KCNAB1: variants seen among roughly 807,000 people sequenced by gnomAD.
KCNAB1 encodes voltage-gated potassium channel subunit beta-1.
A neutral mutation model predicts 64.6 loss-of-function variants in KCNAB1; 35 were observed. That is an observed-to-expected ratio of 0.54 (90% CI 0.41 to 0.72). KCNAB1 has a LOEUF of 0.72. Ranked by LOEUF, KCNAB1 falls within the 30% of genes least tolerant of loss-of-function variation. KCNAB1 has a pLI of 0.00. For synonymous variants in KCNAB1, 177 were observed against 183.8 expected, an observed-to-expected ratio of 0.96 and a Z score of 0.30; for missense variants, 401 against 512.9, an observed-to-expected ratio of 0.78 and a Z score of 2.11.
chr3:156,236,341 C>G (rs1289426095), intron 1 of KCNAB1, among the ~76,000 whole-genome samples: 2 of 152,172 alleles, frequency 1.3e-5, no homozygotes, highest in African/African-American at 4.8e-5. Flanking sequence ...AAAGCTAGGT[C>G]TCCCAAACCT....
chr3:156,418,190 T>C (rs1225979517), intron 1 of KCNAB1, among the ~76,000 whole-genome samples: 2 of 152,224 alleles, frequency 1.3e-5, no homozygotes, highest in Non-Finnish European at 2.9e-5. Flanking sequence ...ATTGGCAATT[T>C]GATGTGCTTA....
intron 1 of KCNAB1, among the ~76,000 whole-genome samples, chr3:156,376,659 C>G (rs1218897674): frequency 6.6e-6 from 1 of 152,106 alleles, no homozygotes; most frequent in Non-Finnish European, 1.5e-5. Context: ...AAGAGGTAAG[C>G]CCCTGAGATC....
rs781567571 is a variant in KCNAB1, at chr3:156,120,649, T to C, written c.38T>C (p.Ile13Thr). ...AARTGAAGSQ[I>T]SEENTKLRRQ... ...CGGACAGGGGCAGCGGGGAGTCAGATCTCAGAGGAGAACACCAAGTTAAGG... is the reference window on the plus strand; with the variant it reads ...CGGACAGGGGCAGCGGGGAGTCAGACCTCAGAGGAGAACACCAAGTTAAGG... Residue 13 changes from isoleucine to threonine, a missense_variant, in exon 1 of 14, where the codon ATC becomes ACC. Physicochemically the swap from Ile to Thr is moderately conservative, Grantham distance 89. Coordinates refer to ENST00000490337, the MANE Select transcript of KCNAB1 (RefSeq NM_172160.3). 12 of 1,614,064 alleles carry C rather than the reference T, an allele frequency of 7.4e-6. No individual in the cohort carries two copies. The highest frequency in any genetic ancestry group is 3.3e-5 in the Admixed American group (2 of 60,010).
chr3:156,202,360 G>A (rs1401867004), intron 1 of KCNAB1, among the ~76,000 whole-genome samples: 1 of 152,196 alleles, frequency 6.6e-6, no homozygotes, highest in Non-Finnish European at 1.5e-5. Flanking sequence ...AACAAGTCTT[G>A]GGTGTAGCCC....
At chr3:156,341,286 T>G (rs1724096469) in intron 1 of KCNAB1, among the ~76,000 whole-genome samples, 1 of 152,128 alleles carries the variant, frequency 6.6e-6, no homozygotes, top group South Asian at 2.1e-4. Context: ...GAGAGCAACA[T>G]ACAAAATAAA....
At chr3:156,122,605 C>T (rs536137859) in intron 1 of KCNAB1, among the ~76,000 whole-genome samples, 2 of 152,304 alleles carry the variant, frequency 1.3e-5, no homozygotes, top group South Asian at 4.1e-4. Context: ...ATTAATGTCT[C>T]CTGTGATAAT....
intron 3 of KCNAB1, 129 bp from the exon 4 acceptor site, chr3:156,457,324 T>C: frequency 6.7e-7 from 1 of 1,502,760 alleles, no homozygotes; most frequent in Non-Finnish European, 8.9e-7. Context: ...CCCTCTCCAC[T>C]AAAACTAAGA....
intron 1 of KCNAB1, among the ~76,000 whole-genome samples, chr3:156,221,398 A>G (rs1186071005): frequency 6.6e-6 from 1 of 152,208 alleles, no homozygotes. Flanking sequence ...AGGAAAACCT[A>G]TCAGATTAAC....
intron 7 of KCNAB1, among the ~76,000 whole-genome samples, chr3:156,468,465 A>G (rs1348084004): frequency 6.6e-6 from 1 of 151,988 alleles, no homozygotes; most frequent in African/African-American, 2.4e-5. Context: ...ATATAATTTT[A>G]AGCATATGGG....
chr3:156,146,950 A>G (rs1423286086), intron 1 of KCNAB1, among the ~76,000 whole-genome samples: 4 of 152,174 alleles, frequency 2.6e-5, no homozygotes, highest in Admixed American at 2.6e-4. Flanking sequence ...ACTTGTTTGT[A>G]TTTATTTATT....
intron 1 of KCNAB1, among the ~76,000 whole-genome samples, chr3:156,387,982 T>C (rs556877010): frequency 6.6e-6 from 1 of 152,346 alleles, no homozygotes; most frequent in African/African-American, 2.4e-5. Context: ...GTTCCATTTG[T>C]TAATTTAAAA....
At chr3:156,267,094 C>CACAGATA in intron 1 of KCNAB1, among the ~76,000 whole-genome samples, 1 of 152,182 alleles carries the variant, frequency 6.6e-6, no homozygotes, top group East Asian at 1.9e-4. Flanking sequence ...CCAGTATCCA[C>CACAGATA]ACAGATAACT....
intron 1 of KCNAB1, among the ~76,000 whole-genome samples, chr3:156,299,378 G>A (rs1380231799): frequency 6.6e-6 from 1 of 152,214 alleles, no homozygotes; most frequent in East Asian, 1.9e-4. Context: ...CCACAGTGCT[G>A]CCACAGAGGC....
In KCNAB1 at chr3:156,158,178, A is replaced by T. The variant is rs1354156233; in HGVS notation, c.275+37292A>T. On this transcript the variant is annotated intron_variant, in intron 1 of 13. Coordinates refer to ENST00000490337, the MANE Select transcript of KCNAB1 (RefSeq NM_172160.3). ...AAACTCTGTCTCAAAAAAAAAAATA[A>T]AAAATAAATAAATAAATAAATAAAT... 6.8e-5 allele frequency among the ~76,000 whole-genome samples: 3 copies of T among 43,912 alleles called. 1 individual carries two copies. The highest frequency in any genetic ancestry group is 3.0e-3 in the East Asian group (2 of 666). 28.8% of individuals were successfully genotyped at this position (43,912 alleles called of 152,430 possible). A position where few individuals can be genotyped will look rare whatever the true frequency, so the allele number is the denominator to read the frequency against.
intron 8 of KCNAB1, among the ~76,000 whole-genome samples, chr3:156,487,232 G>C (rs1014287458): frequency 1.3e-5 from 2 of 151,964 alleles, no homozygotes; most frequent in Admixed American, 6.6e-5. Context: ...AAAGCACTTG[G>C]CCCCCTGTAT....
intron 1 of KCNAB1, among the ~76,000 whole-genome samples, chr3:156,287,344 C>T (rs1361241141): frequency 5.2e-5 from 7 of 133,912 alleles, no homozygotes; most frequent in Non-Finnish European, 7.6e-5. Flanking sequence ...TTGCAACCTC[C>T]GTATCAAAAA....
intron 1 of KCNAB1, among the ~76,000 whole-genome samples, chr3:156,334,339 A>G (rs1354050174): frequency 6.6e-6 from 1 of 152,212 alleles, no homozygotes; most frequent in East Asian, 1.9e-4. Context: ...AAGCTTTTTG[A>G]CAAATGAATG....
intron 1 of KCNAB1, among the ~76,000 whole-genome samples, chr3:156,296,308 T>A (rs1720771649): frequency 6.6e-6 from 1 of 152,186 alleles, no homozygotes; most frequent in African/African-American, 2.4e-5. Flanking sequence ...TTTGACATGG[T>A]CTCAGAGCTT....
At chr3:156,500,039 G>C (rs1336989194) in intron 8 of KCNAB1, among the ~76,000 whole-genome samples, 1 of 152,174 alleles carries the variant, frequency 6.6e-6, no homozygotes, top group African/African-American at 2.4e-5. Flanking sequence ...CTCTCTCCTT[G>C]CCACTCCTTG....
Sources: gnomAD v4.1 joint callset for allele counts (sites outside exome capture counted in the v4.1 genomes callset) on GRCh38, gnomAD v4.1.1 for gene constraint, MANE v1.5 for transcripts, NCBI Gene and HGNC (gene_info 2026-07-23, HGNC 2026-07-21) for gene names.